NAALADL2: variants seen among roughly 807,000 people sequenced by gnomAD.
The protein encoded by NAALADL2 is inactive N-acetylated-alpha-linked acidic dipeptidase-like protein 2.
A neutral mutation model predicts 87.2 loss-of-function variants in NAALADL2; 76 were observed. That is an observed-to-expected ratio of 0.87 (90% CI 0.72 to 1.05). The LOEUF (loss-of-function observed/expected upper bound fraction) is 1.05. Among genes scored for constraint, NAALADL2 ranks in the 50% least tolerant of loss-of-function variants. The pLI is 0.00. For synonymous variants in NAALADL2, 354 were observed against 331.0 expected (o/e 1.07, Z -0.75); for missense variants, 1,089 against 945.8 (o/e 1.15, Z -1.99).
At chr3:174,563,027 C>T (rs1425882841) in intron 2 of NAALADL2, among the ~76,000 whole-genome samples, 1 of 151,974 alleles carries the variant, frequency 6.6e-6, no homozygotes, top group Non-Finnish European at 1.5e-5. Flanking sequence ...TTTTTTGTGA[C>T]ATAGCAGTTT....
intron 5 of NAALADL2, 80 bp from the exon 6 acceptor site, chr3:175,447,149 A>G (rs79180420): frequency 0.021 from 17,710 of 852,314 alleles, 967 homozygotes; most frequent in East Asian, 0.15. Context: ...TAATTTAAAT[A>G]CTTATTACAG....
chr3:174,840,842 G>A (rs1031489241), intron 3 of NAALADL2, among the ~76,000 whole-genome samples: 43 of 152,024 alleles, frequency 2.8e-4, no homozygotes, highest in African/African-American at 1.0e-3. Flanking sequence ...TAGCTGCTTG[G>A]GGGAAGGCTG....
chr3:175,763,280 C>A (rs1748280071), intron 13 of NAALADL2, among the ~76,000 whole-genome samples: 1 of 152,012 alleles, frequency 6.6e-6, no homozygotes, highest in Non-Finnish European at 1.5e-5. Context: ...TATGTTTTAA[C>A]TTTTGACATT....
rs1576882332 is a variant in NAALADL2 at position 175,804,368 on chromosome 3, G to A, written c.*1165G>A. 5 of 151,284 alleles carry A rather than the reference G, an allele frequency of 3.3e-5. No homozygotes were observed. In the South Asian group the frequency reaches 6.2e-4, roughly 19 times the overall value. 9.4% of individuals were successfully genotyped at this position (151,284 alleles called of 1,614,324 possible). On this transcript the variant is annotated 3_prime_UTR_variant, in exon 14 of 14. Transcript: ENST00000454872. ...CAGTGTTACTGTAAGAGAGTGTCTC[G>A]TCTACACTTCAGTTCTTCTCTCATG...
chr3:175,580,589 A>G (rs1198611139), intron 10 of NAALADL2, among the ~76,000 whole-genome samples: 3 of 143,144 alleles, frequency 2.1e-5, no homozygotes, highest in Non-Finnish European at 4.4e-5. Flanking sequence ...GATGTTTTGC[A>G]GTATCTGATG....
chr3:175,561,926 A>T (rs1355076651), intron 9 of NAALADL2, among the ~76,000 whole-genome samples: 1 of 152,222 alleles, frequency 6.6e-6, no homozygotes, highest in African/African-American at 2.4e-5. Flanking sequence ...ATTTGAAGTA[A>T]TTATTTGACA....
At chr3:175,473,065 A>T (rs1318913986) in intron 9 of NAALADL2, among the ~76,000 whole-genome samples, 5 of 152,166 alleles carry the variant, frequency 3.3e-5, no homozygotes, top group Admixed American at 3.3e-4. Flanking sequence ...ATCTTGAAAG[A>T]TATTTAATCA....
chr3:175,567,984 G>T (rs1330383987), intron 9 of NAALADL2, among the ~76,000 whole-genome samples: 1 of 152,050 alleles, frequency 6.6e-6, no homozygotes, highest in African/African-American at 2.4e-5. Flanking sequence ...CCAAAGTGCT[G>T]GGATTACAGG....
chr3:175,716,169 TG>T (rs1741221849), intron 11 of NAALADL2, among the ~76,000 whole-genome samples: 1 of 146,720 alleles, frequency 6.8e-6, no homozygotes, highest in African/African-American at 2.5e-5. Flanking sequence ...TATAATATAT[TG>T]GAATACATAT....
At chr3:174,774,916 A>G (rs1336223231) in intron 3 of NAALADL2, among the ~76,000 whole-genome samples, 1 of 152,180 alleles carries the variant, frequency 6.6e-6, no homozygotes, top group Non-Finnish European at 1.5e-5. Context: ...ATGATTTTAC[A>G]TACTTGGCTG....
At chr3:175,180,884 G>A (rs898323952) in intron 2 of NAALADL2, among the ~76,000 whole-genome samples, 2 of 151,994 alleles carry the variant, frequency 1.3e-5, no homozygotes, top group African/African-American at 4.8e-5. Flanking sequence ...AATCTGAATT[G>A]TAATGAGGTT....
intron 4 of NAALADL2, among the ~76,000 whole-genome samples, chr3:175,289,308 G>A (rs564715662): frequency 2.6e-5 from 4 of 151,962 alleles, no homozygotes; most frequent in Non-Finnish European, 5.9e-5. Context: ...GAGCATCACC[G>A]CCATCTGATT....
chr3:174,524,865 G>A (rs1319879851), intron 1 of NAALADL2, among the ~76,000 whole-genome samples: 1 of 152,136 alleles, frequency 6.6e-6, no homozygotes, highest in Non-Finnish European at 1.5e-5. Flanking sequence ...GAACTAAAAA[G>A]TTCCTATTGC....
At chr3:175,440,406 T>C (rs893133087) in intron 5 of NAALADL2, among the ~76,000 whole-genome samples, 19 of 152,280 alleles carry the variant, frequency 1.2e-4, no homozygotes, top group African/African-American at 3.4e-4. Context: ...AATTTTTTTT[T>C]CTAGTTCTGT....
At chr3:174,833,850 A>C (rs373542489) in intron 3 of NAALADL2, among the ~76,000 whole-genome samples, 1,770 of 150,810 alleles carry the variant, frequency 0.012, 18 homozygotes, top group Middle Eastern at 0.034. Context: ...CCAAAATTTA[A>C]TGCCCATTTA....
intron 2 of NAALADL2, among the ~76,000 whole-genome samples, chr3:175,099,839 C>G (rs1721817239): frequency 1.3e-5 from 2 of 152,034 alleles, no homozygotes; most frequent in African/African-American, 4.8e-5. Flanking sequence ...GTTTGTCCAC[C>G]ATTAAAGTGC....
At chr3:174,975,603 GT>G (rs1229959908) in intron 1 of NAALADL2, among the ~76,000 whole-genome samples, 2 of 152,144 alleles carry the variant, frequency 1.3e-5, no homozygotes, top group Non-Finnish European at 2.9e-5. Context: ...TGGTGGGATA[GT>G]TATGCCTTTT....
rs146230633 is a variant in NAALADL2, at chr3:174,946,319, T to C, written c.43+86869T>C. On this transcript the variant is annotated intron_variant, in intron 1 of 13. Transcript: ENST00000454872. ...TGTTTGGTCTAGTGTAAATAAAGTATTTCACAAAAATTCAGTAATAGAATC... is the reference window on the plus strand; with the variant it reads ...TGTTTGGTCTAGTGTAAATAAAGTACTTCACAAAAATTCAGTAATAGAATC... Among the ~76,000 whole-genome samples, 481 of 152,254 alleles carry C rather than the reference T, an allele frequency of 3.2e-3. 3 individuals are homozygous for C. Among genetic ancestry groups the C allele is most frequent in the African/African-American group, 0.011 (459 of 41,560 alleles).
At chr3:175,778,917 G>A (rs1287043380) in intron 13 of NAALADL2, among the ~76,000 whole-genome samples, 2 of 152,106 alleles carry the variant, frequency 1.3e-5, no homozygotes, top group Admixed American at 6.5e-5. Flanking sequence ...AAAAGCATAT[G>A]AGTTTTATTT....
Sources: gnomAD v4.1 joint callset for allele counts (sites outside exome capture counted in the v4.1 genomes callset) on GRCh38, gnomAD v4.1.1 for gene constraint, MANE v1.5 for transcripts, NCBI Gene and HGNC (gene_info 2026-07-23, HGNC 2026-07-21) for gene names.